Variants in MYO3A observed in about 807,000 individuals in gnomAD.
MYO3A encodes myosin-IIIa.
Under a neutral mutation model 192.7 loss-of-function variants are expected in MYO3A, and 180 were observed. The observed-to-expected ratio is 0.93, with a 90% confidence interval of 0.83 to 1.06. The LOEUF is 1.06. Among genes scored for constraint, MYO3A ranks in the 50% least tolerant of loss-of-function variants. The pLI, the probability that MYO3A is intolerant of heterozygous loss-of-function variation, is 0.00. For synonymous variants in MYO3A, 628 were observed against 645.3 expected (o/e 0.97, Z 0.41); for missense variants, 1,896 against 1,905.0 (o/e 1.00, Z 0.09).
chr10:26,145,425 G>C (rs1249173285), intron 21 of MYO3A, 21 bp from the exon 22 acceptor site: 2 of 1,474,268 alleles, frequency 1.4e-6, no homozygotes, highest in Middle Eastern at 1.7e-4. Context: ...CTTGATATTT[G>C]AGTTCAGTAT....
intron 20 of MYO3A, among the ~76,000 whole-genome samples, chr10:26,137,852 G>A (rs1334415394): frequency 6.6e-6 from 1 of 152,096 alleles, no homozygotes; most frequent in Admixed American, 6.5e-5. Flanking sequence ...ACTGGAGTGG[G>A]GAAAAACCCC....
chr10:25,996,492 C>G lies in MYO3A; in HGVS notation c.306C>G (p.Leu102=), dbSNP rs761621559. The G allele has an allele frequency of 1.2e-6, 2 of 1,613,150 alleles. No individual in the cohort carries two copies. Among genetic ancestry groups the G allele is most frequent in the Non-Finnish European group, 1.7e-6 (2 of 1,179,230 alleles). ...CATCTTAAAATATTCTTGTTTAGCT[C>G]TGCAGTGGAGGATCAGTGACTGACC... The part of the protein sequence containing the change: ...NGDKLWLVLE[L]CSGGSVTDLV... The change falls in exon 5 of 35, where the codon CTC becomes CTG. Residue 102 remains leucine, a splice_region_variant and synonymous_variant. Coordinates refer to ENST00000642920, the MANE Select transcript of MYO3A (RefSeq NM_017433.5).
chr10:26,026,546 A>G lies in MYO3A; in HGVS notation c.953+14A>G, dbSNP rs373273097. ...AGAAAAGGCCAGGTAATCAAATAATATCTTGATTCCAAAATCCAGAGATTA... is the reference window on the plus strand; with the variant it reads ...AGAAAAGGCCAGGTAATCAAATAATGTCTTGATTCCAAAATCCAGAGATTA... On this transcript the variant is annotated intron_variant, in intron 10 of 34. Coordinates refer to ENST00000642920, the MANE Select transcript of MYO3A (RefSeq NM_017433.5). 47 of 1,612,798 alleles carry G rather than the reference A, an allele frequency of 2.9e-5. No individual in the cohort carries two copies. Among genetic ancestry groups the G allele is most frequent in the Admixed American group, 1.5e-4 (9 of 60,008 alleles).
intron 32 of MYO3A, 128 bp from the exon 33 acceptor site, chr10:26,201,137 A>G (rs1843656206): frequency 5.5e-6 from 2 of 365,910 alleles, no homozygotes; most frequent in Non-Finnish European, 9.8e-6. Context: ...AAAATATTGT[A>G]TCCACTTGCT....
intron 19 of MYO3A, among the ~76,000 whole-genome samples, chr10:26,126,830 A>T: frequency 6.6e-6 from 1 of 152,214 alleles, no homozygotes; most frequent in Non-Finnish European, 1.5e-5. Flanking sequence ...ACTAAATGGC[A>T]ACTTTCCTTT....
At chr10:26,104,089 A>G (rs1296529464) in intron 17 of MYO3A, among the ~76,000 whole-genome samples, 1 of 150,720 alleles carries the variant, frequency 6.6e-6, no homozygotes, top group African/African-American at 2.4e-5. Context: ...TAGGTATACT[A>G]GCCCCTTATC....
intron 10 of MYO3A, among the ~76,000 whole-genome samples, chr10:26,044,341 A>G (rs1027317801): frequency 1.3e-5 from 2 of 152,238 alleles, no homozygotes; most frequent in African/African-American, 4.8e-5. Flanking sequence ...GTTCAGCAGT[A>G]GGACTTACTT....
At chr10:26,188,368 G>A (rs991233339) in intron 31 of MYO3A, among the ~76,000 whole-genome samples, 4 of 152,096 alleles carry the variant, frequency 2.6e-5, no homozygotes, top group Admixed American at 2.0e-4. Flanking sequence ...ATTTGTTTGA[G>A]TTCACTGTAG....
chr10:26,083,181 T>G (rs1039018775), intron 14 of MYO3A, among the ~76,000 whole-genome samples: 5 of 152,162 alleles, frequency 3.3e-5, no homozygotes, highest in African/African-American at 1.2e-4. Flanking sequence ...AAATAAAGAT[T>G]ATTTGACTGC....
chr10:26,207,314 T>C (rs1485660479), intron 34 of MYO3A, among the ~76,000 whole-genome samples: 1 of 152,114 alleles, frequency 6.6e-6, no homozygotes, highest in Admixed American at 6.5e-5. Context: ...GGTTTTCCCT[T>C]ATAATTTCTT....
chr10:26,098,159 G>A (rs943713666), intron 17 of MYO3A, among the ~76,000 whole-genome samples: 16 of 152,288 alleles, frequency 1.1e-4, no homozygotes, highest in African/African-American at 3.1e-4. Context: ...GCATTTCTCT[G>A]ATGGCCAGTG....
intron 10 of MYO3A, among the ~76,000 whole-genome samples, chr10:26,039,140 A>C (rs912794892): frequency 6.6e-6 from 1 of 151,206 alleles, no homozygotes; most frequent in Admixed American, 6.6e-5. Flanking sequence ...TCCTGGGTTC[A>C]AGCGATTCTC....
chr10:26,162,716 T>G (rs2887177), intron 26 of MYO3A, among the ~76,000 whole-genome samples: 23,199 of 152,220 alleles, frequency 0.15, 1,906 homozygotes, highest in East Asian at 0.31. Flanking sequence ...TTTATTTGAA[T>G]AACATCACAC....
intron 7 of MYO3A, among the ~76,000 whole-genome samples, chr10:26,020,409 C>A (rs534757698): frequency 3.0e-4 from 46 of 152,260 alleles, no homozygotes; most frequent in African/African-American, 1.1e-3. Context: ...GGGTGTAAAT[C>A]TTACCAACTG....
chr10:26,107,982 C>T (rs1430432818), intron 17 of MYO3A, among the ~76,000 whole-genome samples: 2 of 151,598 alleles, frequency 1.3e-5, no homozygotes, highest in Non-Finnish European at 2.9e-5. Context: ...TATTTCTTTA[C>T]ATTTGTTATT....
intron 10 of MYO3A, among the ~76,000 whole-genome samples, chr10:26,035,056 G>A (rs533350571): frequency 2.5e-4 from 38 of 152,130 alleles, no homozygotes; most frequent in Non-Finnish European, 5.4e-4. Flanking sequence ...GTGCTAGAAG[G>A]AAAGGTCTCG....
At chr10:26,055,577 C>T (rs1184608610) in intron 10 of MYO3A, among the ~76,000 whole-genome samples, 4 of 152,138 alleles carry the variant, frequency 2.6e-5, no homozygotes, top group East Asian at 1.9e-4. Context: ...AGGTGGCCTC[C>T]GTACTTTTAT....
intron 26 of MYO3A, among the ~76,000 whole-genome samples, chr10:26,158,757 G>C (rs188229054): frequency 6.6e-6 from 1 of 151,646 alleles, no homozygotes; most frequent in Non-Finnish European, 1.5e-5. Context: ...CATTTTTAAA[G>C]ATGAAGTCTA....
chr10:25,976,210 C>T (rs968812553), intron 4 of MYO3A, among the ~76,000 whole-genome samples: 32 of 152,156 alleles, frequency 2.1e-4, no homozygotes, highest in African/African-American at 5.8e-4. Flanking sequence ...GTGACATATA[C>T]GCCTACCACA....
Sources: allele counts gnomAD v4.1 joint callset (sites outside exome capture counted in the v4.1 genomes callset), GRCh38; gene constraint gnomAD v4.1.1; transcripts MANE v1.5; gene names NCBI Gene and HGNC (gene_info 2026-07-23, HGNC 2026-07-21).